NBAS: variants seen among roughly 807,000 people sequenced by gnomAD.
NBAS encodes the protein NBAS subunit of NRZ tethering complex, also known as NAG/BC035112 fusion.
A neutral mutation model predicts 302.5 loss-of-function variants in NBAS; 219 were observed. That is an observed-to-expected ratio of 0.72 (90% CI 0.65 to 0.81). The LOEUF (loss-of-function observed/expected upper bound fraction) is 0.81, where lower values mean the gene tolerates loss of function less well. Among genes scored for constraint, NBAS ranks in the 30% least tolerant of loss-of-function variants. The pLI is 0.00. For synonymous variants in NBAS, 1,118 were observed against 1,021.6 expected (o/e 1.09, Z -1.80); for missense variants, 2,932 against 2,841.6 (o/e 1.03, Z -0.72).
the NBAS span, among the ~76,000 whole-genome samples, chr2:15,092,181 A>T: frequency 1.3e-5 from 2 of 151,968 alleles, no homozygotes; most frequent in Non-Finnish European, 2.9e-5. Context: ...TAGTAAAATG[A>T]CCTCCCACCC....
the NBAS span, among the ~76,000 whole-genome samples, chr2:14,799,820 C>T: frequency 6.6e-6 from 1 of 152,128 alleles, no homozygotes; most frequent in Non-Finnish European, 1.5e-5. Flanking sequence ...AAATTATAGT[C>T]TATCTCCAGT....
intron 51 of NBAS, among the ~76,000 whole-genome samples, chr2:15,169,576 T>A (rs2125099440): frequency 6.6e-6 from 1 of 152,270 alleles, no homozygotes; most frequent in East Asian, 1.9e-4. Context: ...AGAGGCAGGT[T>A]CAGTGAGGTC....
intron 3 of NBAS, 62 bp downstream of exon 3, chr2:15,556,721 T>C: frequency 7.1e-7 from 1 of 1,408,834 alleles, no homozygotes; most frequent in Admixed American, 1.7e-5. Flanking sequence ...ACAAATCATA[T>C]ATAGAACAAT....
At chr2:15,306,259 G>A (rs1257059557) in intron 40 of NBAS, among the ~76,000 whole-genome samples, 5 of 152,110 alleles carry the variant, frequency 3.3e-5, no homozygotes, top group Admixed American at 1.3e-4. Flanking sequence ...TATAAAATAA[G>A]TATCTGTATA....
At chr2:14,793,060 G>T in the NBAS span, among the ~76,000 whole-genome samples, 1 of 139,458 alleles carries the variant, frequency 7.2e-6, no homozygotes, top group African/African-American at 2.8e-5. Context: ...TTCTTTCTCT[G>T]TCTCTGTTTC....
chr2:14,788,424 GCT>G, the NBAS span, among the ~76,000 whole-genome samples: 7 of 152,050 alleles, frequency 4.6e-5, no homozygotes, highest in African/African-American at 9.7e-5. Flanking sequence ...CAGTTTTTCT[GCT>G]CTGTTTTTTC....
chr2:15,350,843 T>C (rs904586112), intron 35 of NBAS, among the ~76,000 whole-genome samples: 3 of 152,194 alleles, frequency 2.0e-5, no homozygotes, highest in African/African-American at 4.8e-5. Flanking sequence ...AAACCAACAA[T>C]AGCAATGTCC....
chr2:14,804,094 T>A, the NBAS span, among the ~76,000 whole-genome samples: 77 of 152,348 alleles, frequency 5.1e-4, 1 homozygote, highest in African/African-American at 1.7e-3. Context: ...CTAAAATGTA[T>A]TTGTAACCCT....
chr2:15,251,375 G>T (rs1314788588), intron 44 of NBAS, among the ~76,000 whole-genome samples: 1 of 152,138 alleles, frequency 6.6e-6, no homozygotes, highest in South Asian at 2.1e-4. Flanking sequence ...GTTGATGGGT[G>T]CAGCAAACCA....
the NBAS span, among the ~76,000 whole-genome samples, chr2:14,875,418 C>A: frequency 1.1e-4 from 17 of 152,070 alleles, no homozygotes; most frequent in African/African-American, 4.1e-4. Context: ...AGTTCAAGAC[C>A]AACCTGGCCA....
intron 22 of NBAS, among the ~76,000 whole-genome samples, chr2:15,424,875 T>C (rs762087379): frequency 3.9e-5 from 6 of 152,204 alleles, no homozygotes; most frequent in Non-Finnish European, 7.3e-5. Flanking sequence ...TCCCCAGTGA[T>C]TCCAACTTGA....
intron 6 of NBAS, among the ~76,000 whole-genome samples, chr2:15,541,003 C>A (rs1302046696): frequency 6.6e-6 from 1 of 152,148 alleles, no homozygotes. Flanking sequence ...GAATTACAGG[C>A]GTGAGCCACC....
In NBAS at chr2:15,313,004, G is replaced by C. The variant is rs181143108; in HGVS notation, c.4583-3757C>G. ...CTTCCAGCACTTTCTTAAAATAGCAGTTTCATATTAATTTTACTCAAGCAC... is the reference window on the plus strand; with the variant it reads ...CTTCCAGCACTTTCTTAAAATAGCACTTTCATATTAATTTTACTCAAGCAC... On this transcript the variant is annotated intron_variant, in intron 38 of 51. Coordinates refer to ENST00000281513, the MANE Select transcript of NBAS (RefSeq NM_015909.4). Among the ~76,000 whole-genome samples the C allele has an allele frequency of 9.3e-4, 141 of 152,234 alleles. 1 individual carries two copies. Among genetic ancestry groups the C allele is most frequent in the Non-Finnish European group, 2.5e-4 (17 of 68,018 alleles).
At chr2:14,880,672 A>G in the NBAS span, among the ~76,000 whole-genome samples, 3 of 152,038 alleles carry the variant, frequency 2.0e-5, no homozygotes, top group Admixed American at 6.6e-5. Context: ...AAGAAATCTG[A>G]AAATAAGAGA....
At chr2:15,548,726 A>T (rs1366862717) in intron 6 of NBAS, among the ~76,000 whole-genome samples, 1 of 151,804 alleles carries the variant, frequency 6.6e-6, no homozygotes, top group Non-Finnish European at 1.5e-5. Flanking sequence ...ACTAGATGGG[A>T]AACATGAAGA....
chr2:15,335,218 G>A lies in NBAS; in HGVS notation c.4180-4453C>T, dbSNP rs111428051. Among the ~76,000 whole-genome samples, 1,057 of 147,570 alleles carry A rather than the reference G, an allele frequency of 7.2e-3. 10 individuals are homozygous for A. The highest frequency in any genetic ancestry group is 0.022 in the African/African-American group (897 of 40,018). On this transcript the variant is annotated intron_variant, in intron 35 of 51. Coordinates refer to ENST00000281513, the MANE Select transcript of NBAS (RefSeq NM_015909.4). ...AAAAAATTGTTCAAGTCATTACTATGTCATATCATGTTGTAATAAACATGC... is the reference window on the plus strand; with the variant it reads ...AAAAAATTGTTCAAGTCATTACTATATCATATCATGTTGTAATAAACATGC...
rs556117170 is a variant in NBAS, at chr2:15,561,262, C to A, written c.43G>T (p.Ala15Ser). Residue 15 changes from alanine (A) to serine (S), a missense_variant, in exon 1 of 52, where the codon GCA becomes TCA. Transcript: ENST00000281513. ...ESGPALSPGT[A>S]EGEEETILYD... ...AGAATCGTCTCCTCCTCACCCTCTG[C>A]AGTGCCTGGACTCAAAGCCGGCCCT... 6.2e-7 allele frequency: 1 copy of A among 1,613,958 alleles called. No individual in the cohort carries two copies. The highest frequency in any genetic ancestry group is 1.1e-5 in the South Asian group (1 of 91,080).
chr2:15,468,499 T>C lies in NBAS; in HGVS notation c.1760A>G (p.Glu587Gly). ...KIKKRSWVLH[E>G]CLERVPENVD... ...ATTTTCAGGAACTCTTTCCAAACAC[T>C]CATGGAGAACCCAGGATCGCTTCTT... The change falls in exon 17 of 52, where the codon GAG (glutamate) becomes GGG (glycine). Residue 587 changes from glutamate (E) to glycine (G), a missense_variant. Transcript: ENST00000281513. 1 of 1,614,056 alleles carries C rather than the reference T, an allele frequency of 6.2e-7. No homozygotes were observed. The highest frequency in any genetic ancestry group is 8.5e-7 in the Non-Finnish European group (1 of 1,179,946).
intron 25 of NBAS, among the ~76,000 whole-genome samples, chr2:15,414,749 A>AGT (rs1342286527): frequency 6.6e-6 from 1 of 152,182 alleles, no homozygotes; most frequent in East Asian, 1.9e-4. Flanking sequence ...GTTTGAGACC[A>AGT]GCCTGGCCAA....
Sources: allele counts gnomAD v4.1 joint callset (sites outside exome capture counted in the v4.1 genomes callset), GRCh38; gene constraint gnomAD v4.1.1; transcripts MANE v1.5; gene names NCBI Gene and HGNC (gene_info 2026-07-23, HGNC 2026-07-21).